Variants in KCNK13 observed in about 807,000 individuals in gnomAD.
KCNK13 encodes the protein potassium two pore domain channel subfamily K member 13, also known as potassium channel subfamily K member 13.
KCNK13 carries 12 observed loss-of-function variants against 23.4 expected under a neutral mutation model. That is an observed-to-expected ratio of 0.51 (90% CI 0.33 to 0.83). The LOEUF is 0.83. KCNK13 is among the 40% of genes least tolerant of loss of function. KCNK13 has a pLI of 0.02. For synonymous variants in KCNK13, 231 were observed against 229.5 expected, an observed-to-expected ratio of 1.01 and a Z score of -0.06; for missense variants, 463 against 556.3, an observed-to-expected ratio of 0.83 and a Z score of 1.69.
At position 90,184,335 on chromosome 14, in the gene KCNK13, C is replaced by T. The variant is rs1890521852; in HGVS notation, c.559C>T (p.Leu187=). The change falls in exon 2 of 2, where the codon CTG becomes TTG. Residue 187 remains leucine (L), a synonymous_variant. Transcript: ENST00000282146. This position sits in a 1 kb window ranked among gnomAD's most constrained non-coding sequence, Gnocchi z 5.6. ...KDAGQCEVDS[L]AGWKPSVYYV... is the part of the protein sequence containing the mutation. ...TGCGGGGCAGTGTGAGGTGGACAGC[C>T]TGGCCGGCTGGAAGCCCTCCGTGTA... The T allele has an allele frequency of 6.2e-7, 1 of 1,614,248 alleles. No individual in the cohort carries two copies. The highest frequency in any genetic ancestry group is 8.5e-7 in the Non-Finnish European group (1 of 1,180,046).
At chr14:90,105,596 C>T (rs932320069) in intron 1 of KCNK13, among the ~76,000 whole-genome samples, 3 of 152,014 alleles carry the variant, frequency 2.0e-5, no homozygotes, top group Non-Finnish European at 1.5e-5. Flanking sequence ...GGGTTAGAGT[C>T]CCAAGCTTTG....
intron 1 of KCNK13, among the ~76,000 whole-genome samples, chr14:90,165,383 G>C (rs1890291908): frequency 6.6e-6 from 1 of 152,178 alleles, no homozygotes; most frequent in African/African-American, 2.4e-5. Flanking sequence ...TCTCCAGAGG[G>C]GCCTTGTGTA....
chr14:90,084,481 T>C (rs1889249815), intron 1 of KCNK13, among the ~76,000 whole-genome samples: 1 of 152,216 alleles, frequency 6.6e-6, no homozygotes, highest in African/African-American at 2.4e-5. Context: ...TGCATGTTGG[T>C]CTTGTATCCT....
At chr14:90,158,682 T>C (rs917248063) in intron 1 of KCNK13, among the ~76,000 whole-genome samples, 6 of 151,900 alleles carry the variant, frequency 3.9e-5, no homozygotes, top group Admixed American at 3.9e-4. Flanking sequence ...GAAGGTTCCC[T>C]TCCTCCCTTC....
chr14:90,101,790 CAAAAAAAAAA>C (rs546423368), intron 1 of KCNK13, among the ~76,000 whole-genome samples: 12 of 55,600 alleles, frequency 2.2e-4, no homozygotes, highest in Admixed American at 2.1e-3. Context: ...ACTCCGTCTC[CAAAAAAAAAA>C]AAAAAAAAAA....
At chr14:90,068,876 C>T (rs1385429591) in intron 1 of KCNK13, among the ~76,000 whole-genome samples, 1 of 152,072 alleles carries the variant, frequency 6.6e-6, no homozygotes, top group East Asian at 1.9e-4. Context: ...AAGTCAAGTG[C>T]GCTGAGGGCA....
chr14:90,076,830 TA>T (rs1490684855), intron 1 of KCNK13, among the ~76,000 whole-genome samples: 17 of 152,170 alleles, frequency 1.1e-4, no homozygotes, highest in Admixed American at 9.8e-4. Context: ...ATTTTTTTTT[TA>T]TTTCTTAGAG....
intron 1 of KCNK13, among the ~76,000 whole-genome samples, chr14:90,142,302 G>A (rs75909193): frequency 1.4e-5 from 2 of 145,552 alleles, no homozygotes; most frequent in East Asian, 2.0e-4. Context: ...TCTTGTTTTG[G>A]CTGTCCAATT....
At chr14:90,093,215 C>A (rs17126549) in intron 1 of KCNK13, among the ~76,000 whole-genome samples, 33,454 of 152,042 alleles carry the variant, frequency 0.22, 3,732 homozygotes, top group Middle Eastern at 0.26. Flanking sequence ...GAGGCAGATC[C>A]GCTTGGCTCC....
chr14:90,137,960 T>C (rs189721532), intron 1 of KCNK13, among the ~76,000 whole-genome samples: 280 of 152,280 alleles, frequency 1.8e-3, no homozygotes, highest in Non-Finnish European at 3.2e-3. Context: ...TGCTGTTATC[T>C]ATGGTGGAGT....
chr14:90,112,718 T>C (rs1006566395), intron 1 of KCNK13, among the ~76,000 whole-genome samples: 3 of 151,930 alleles, frequency 2.0e-5, no homozygotes, highest in Non-Finnish European at 1.5e-5. Flanking sequence ...TTTTAATCAA[T>C]AGAAGGATCA....
At chr14:90,106,140 T>C (rs7157041) in intron 1 of KCNK13, among the ~76,000 whole-genome samples, 40,911 of 152,162 alleles carry the variant, frequency 0.27, 5,820 homozygotes, top group Admixed American at 0.34. Flanking sequence ...CTATAATACC[T>C]GCTAACTCCC....
intron 1 of KCNK13, among the ~76,000 whole-genome samples, chr14:90,154,079 C>T (rs1596801797): frequency 2.6e-5 from 4 of 152,254 alleles, no homozygotes; most frequent in Middle Eastern, 6.8e-3. Flanking sequence ...TTTGCTTCTG[C>T]CTGACCCTAA....
Position 90,178,955 on chromosome 14 carries a change from G to A in KCNK13, c.335-5156G>A, listed in dbSNP as rs28368797. On this transcript the variant is annotated intron_variant, in intron 1 of 1. Coordinates refer to ENST00000282146, the MANE Select transcript of KCNK13 (RefSeq NM_022054.4). ...GGCTGAAGAGCTCTGCTAAATGTGG[G>A]TGCAGCCTGTTGGATCTTGATTCAT... Among the ~76,000 whole-genome samples, 1,434 of 152,318 alleles carry A rather than the reference G, an allele frequency of 9.4e-3. 26 individuals carry two copies. The highest frequency in any genetic ancestry group is 0.033 in the African/African-American group (1,358 of 41,564).
At chr14:90,087,155 T>TATA (rs1491402459) in intron 1 of KCNK13, among the ~76,000 whole-genome samples, 104 of 79,538 alleles carry the variant, frequency 1.3e-3, no homozygotes, top group East Asian at 1.8e-3. Flanking sequence ...TATATATATA[T>TATA]TTTTTTTTTT....
At position 90,122,745 on chromosome 14, in the gene KCNK13, A is replaced by C. The variant is rs73330301; in HGVS notation, c.334+60206A>C. ...GGAGAAACTAACTTGGAGGAGACCAAAGGTATTATAAAACTAATTTTTAAA... is the reference window on the plus strand; with the variant it reads ...GGAGAAACTAACTTGGAGGAGACCACAGGTATTATAAAACTAATTTTTAAA... On this transcript the variant is annotated intron_variant, in intron 1 of 1. Coordinates refer to ENST00000282146, the MANE Select transcript of KCNK13 (RefSeq NM_022054.4). Among the ~76,000 whole-genome samples, 269 of 152,328 alleles carry C rather than the reference A, an allele frequency of 1.8e-3. 1 individual carries two copies. Among genetic ancestry groups the C allele is most frequent in the African/African-American group, 5.8e-3 (243 of 41,568 alleles).
chr14:90,130,645 T>C (rs887537324), intron 1 of KCNK13, among the ~76,000 whole-genome samples: 2 of 151,840 alleles, frequency 1.3e-5, no homozygotes, highest in Non-Finnish European at 2.9e-5. Context: ...AAACCCCATC[T>C]CTACTAACAA....
rs944426308 is a variant in KCNK13 at position 90,102,575 on chromosome 14, G to A, written c.334+40036G>A. Among the ~76,000 whole-genome samples, 4 of 152,100 alleles carry A rather than the reference G, an allele frequency of 2.6e-5. No homozygotes were observed. The East Asian group carries it at 7.7e-4, about 29-fold the overall frequency. ...CCTGGTTATTGGGAGTCAATGACAC[G>A]GAGAGTAGAGTCTCTCCCATGACCC... On this transcript the variant is annotated intron_variant, in intron 1 of 1. Transcript: ENST00000282146.
At chr14:90,131,648 C>T (rs1596791493) in intron 1 of KCNK13, among the ~76,000 whole-genome samples, 1 of 152,262 alleles carries the variant, frequency 6.6e-6, no homozygotes, top group Admixed American at 6.5e-5. Flanking sequence ...CCACCTCAGC[C>T]TCCCAAGCAG....
Sources: gnomAD v4.1 joint callset for allele counts (sites outside exome capture counted in the v4.1 genomes callset) on GRCh38, gnomAD v4.1.1 for gene constraint, Gnocchi (gnomAD v3.1) non-coding constraint, MANE v1.5 for transcripts, NCBI Gene and HGNC (gene_info 2026-07-23, HGNC 2026-07-21) for gene names.